The following GCNT4 variants were observed in gnomAD, a reference collection of about 807,000 sequenced individuals.
GCNT4 encodes the protein glucosaminyl (N-acetyl) transferase 4.
In GCNT4, 17 loss-of-function variants were observed where a neutral mutation model predicts 31.3. The ratio of observed to expected loss-of-function variants is 0.54; its 90% CI spans 0.37 to 0.81. The LOEUF is 0.81. GCNT4 is among the 40% of genes least tolerant of loss of function. The pLI is 0.00. For missense variants in GCNT4, 503 were observed against 525.5 expected, an observed-to-expected ratio of 0.96 and a Z score of 0.42; for synonymous variants, 158 against 190.6, an observed-to-expected ratio of 0.83 and a Z score of 1.41.
rs953252262 is a variant in GCNT4 at position 75,025,425 on chromosome 5, C to A, written c.*3251G>T. 6.6e-6 allele frequency: 1 copy of A among 151,968 alleles called. No homozygotes were observed. The highest frequency in any genetic ancestry group is 1.5e-5 in the Non-Finnish European group (1 of 67,984). 9.4% of individuals were successfully genotyped at this position (151,968 alleles called of 1,614,324 possible). ...AGTAGCATAATACAAAATGAAACAC[C>A]AATCTATTTAAAACTCATGTAATGG... On this transcript the variant is annotated 3_prime_UTR_variant, in exon 4 of 4. Coordinates refer to ENST00000652361, the MANE Select transcript of GCNT4 (RefSeq NM_001366737.1).
At chr5:75,036,802 T>C (rs989474374) in intron 3 of GCNT4, among the ~76,000 whole-genome samples, 3 of 152,246 alleles carry the variant, frequency 2.0e-5, no homozygotes, top group Non-Finnish European at 4.4e-5. Context: ...AAGCTCATCC[T>C]GAGGGACTCT....
intron 3 of GCNT4, among the ~76,000 whole-genome samples, chr5:75,043,158 G>T (rs953100375): frequency 6.6e-6 from 1 of 152,196 alleles, no homozygotes; most frequent in African/African-American, 2.4e-5. Flanking sequence ...AGATTGTTTA[G>T]TTTACTAAGT....
intron 2 of GCNT4, among the ~76,000 whole-genome samples, chr5:75,049,586 A>G (rs1056118565): frequency 1.3e-5 from 2 of 152,242 alleles, no homozygotes; most frequent in East Asian, 1.9e-4. Context: ...CATATAAATG[A>G]CATGCAAAGT....
intron 3 of GCNT4, among the ~76,000 whole-genome samples, chr5:75,039,912 G>A (rs1452947629): frequency 6.6e-6 from 1 of 152,066 alleles, no homozygotes; most frequent in African/African-American, 2.4e-5. Context: ...ATGTCATGTA[G>A]AATACAATAA....
At chr5:75,037,408 A>G (rs1743220951) in intron 3 of GCNT4, among the ~76,000 whole-genome samples, 1 of 152,250 alleles carries the variant, frequency 6.6e-6, no homozygotes, top group African/African-American at 2.4e-5. Flanking sequence ...GCAAAAGCAA[A>G]TAATAATCAG....
At chr5:75,045,545 C>T (rs1426283899) in intron 3 of GCNT4, among the ~76,000 whole-genome samples, 2 of 152,228 alleles carry the variant, frequency 1.3e-5, no homozygotes, top group Non-Finnish European at 2.9e-5. Flanking sequence ...TAGATATTTG[C>T]TTTGCTTCCA....
intron 3 of GCNT4, among the ~76,000 whole-genome samples, chr5:75,033,118 T>G (rs965021864): frequency 2.0e-5 from 3 of 152,214 alleles, no homozygotes; most frequent in African/African-American, 7.2e-5. Context: ...TAAAGAGATT[T>G]ACCAAGTCTC....
At chr5:75,035,590 G>C (rs1306527467) in intron 3 of GCNT4, among the ~76,000 whole-genome samples, 1 of 152,216 alleles carries the variant, frequency 6.6e-6, no homozygotes, top group African/African-American at 2.4e-5. Context: ...GACTACTCTA[G>C]GAAAATGTGG....
At chr5:75,049,324 T>C (rs555720136) in intron 2 of GCNT4, among the ~76,000 whole-genome samples, 7 of 152,340 alleles carry the variant, frequency 4.6e-5, no homozygotes, top group Non-Finnish European at 8.8e-5. Flanking sequence ...TTCTGTTACG[T>C]TCAGCAGATC....
intron 3 of GCNT4, among the ~76,000 whole-genome samples, chr5:75,036,023 C>T (rs1185694149): frequency 6.6e-6 from 1 of 152,094 alleles, no homozygotes; most frequent in Non-Finnish European, 1.5e-5. Context: ...CCAGGGCCCC[C>T]GTCCATAACA....
the GCNT4 span, among the ~76,000 whole-genome samples, chr5:75,018,350 C>T: frequency 6.6e-6 from 1 of 152,120 alleles, no homozygotes; most frequent in Admixed American, 6.5e-5. Context: ...GGCATGATCT[C>T]GGCTCACTGC....
chr5:75,034,240 C>T (rs1180979602), intron 3 of GCNT4, among the ~76,000 whole-genome samples: 1 of 152,202 alleles, frequency 6.6e-6, no homozygotes, highest in Non-Finnish European at 1.5e-5. Flanking sequence ...GCTTTGGCTT[C>T]CTCTGAAAAG....
At chr5:75,034,362 A>G (rs1743152236) in intron 3 of GCNT4, among the ~76,000 whole-genome samples, 2 of 152,196 alleles carry the variant, frequency 1.3e-5, no homozygotes, top group Non-Finnish European at 2.9e-5. Context: ...GTGGGCTGGT[A>G]GAGGCCCCGG....
intron 3 of GCNT4, among the ~76,000 whole-genome samples, chr5:75,037,744 G>A (rs1005392590): frequency 6.6e-6 from 1 of 151,924 alleles, no homozygotes; most frequent in Non-Finnish European, 1.5e-5. Flanking sequence ...CGGGCATGGT[G>A]GCACACACCT....
At chr5:75,017,758 C>G in the GCNT4 span, among the ~76,000 whole-genome samples, 1 of 152,180 alleles carries the variant, frequency 6.6e-6, no homozygotes, top group African/African-American at 2.4e-5. Context: ...CCAGGAATCT[C>G]TCTGCTGGCC....
chr5:75,027,528 C>T lies in GCNT4; in HGVS notation c.*1148G>A, dbSNP rs1263778483. The T allele has an allele frequency of 6.7e-6, 1 of 149,888 alleles. No individual in the cohort carries two copies. Among genetic ancestry groups the T allele is most frequent in the African/African-American group, 2.5e-5 (1 of 40,576 alleles). 9.3% of individuals were successfully genotyped at this position (149,888 alleles called of 1,614,324 possible). On this transcript the variant is annotated 3_prime_UTR_variant, in exon 4 of 4. Transcript: ENST00000652361. Reference sequence around the variant, plus strand: ...TCCTTAATGAATATTCTTGCTGTGTCCTTAGGAAAATTAGCTTTTTTCTCT... The same window carrying T: ...TCCTTAATGAATATTCTTGCTGTGTTCTTAGGAAAATTAGCTTTTTTCTCT...
intron 3 of GCNT4, among the ~76,000 whole-genome samples, chr5:75,034,059 G>T (rs1343821992): frequency 6.6e-6 from 1 of 152,202 alleles, no homozygotes; most frequent in African/African-American, 2.4e-5. Context: ...TAACTGAAAA[G>T]CATTCCTTTC....
downstream of GCNT4, among the ~76,000 whole-genome samples, chr5:75,022,730 G>C (rs895622910): frequency 5.3e-5 from 8 of 152,302 alleles, no homozygotes; most frequent in African/African-American, 1.9e-4. Flanking sequence ...GATGACAGTG[G>C]CTTAAAGCAC....
At chr5:75,036,843 C>T (rs1212003609) in intron 3 of GCNT4, among the ~76,000 whole-genome samples, 1 of 152,226 alleles carries the variant, frequency 6.6e-6, no homozygotes, top group African/African-American at 2.4e-5. Context: ...CGTATCCTGT[C>T]ACCAATGACT....
Sources: allele counts gnomAD v4.1 joint callset (sites outside exome capture counted in the v4.1 genomes callset), GRCh38; gene constraint gnomAD v4.1.1; transcripts MANE v1.5; gene names NCBI Gene and HGNC (gene_info 2026-07-23, HGNC 2026-07-21).